SGCD: variants seen among roughly 807,000 people sequenced by gnomAD.
SGCD encodes sarcoglycan delta, also known as delta-sarcoglycan.
SGCD carries 18 observed loss-of-function variants against 36.6 expected under a neutral mutation model. The observed-to-expected ratio is 0.49, with a 90% CI of 0.34 to 0.73. The LOEUF (loss-of-function observed/expected upper bound fraction) is 0.73. Ranked by LOEUF, SGCD falls within the 30% of genes least tolerant of loss-of-function variation. The pLI is 0.01. For missense variants in SGCD, 387 were observed against 346.7 expected, an observed-to-expected ratio of 1.12 and a Z score of -0.92; for synonymous variants, 133 against 130.6, an observed-to-expected ratio of 1.02 and a Z score of -0.12.
the SGCD span, among the ~76,000 whole-genome samples, chr5:155,811,880 T>G: frequency 6.6e-6 from 1 of 152,176 alleles, no homozygotes; most frequent in Non-Finnish European, 1.5e-5. Flanking sequence ...GAAGTAATTC[T>G]TTAACATAAC....
Position 156,181,640 on chromosome 5 carries a change from A to T in SGCD, c.-44+57621A>T, listed in dbSNP as rs541164433. On this transcript the variant is annotated intron_variant, in intron 3 of 9. Coordinates refer to the SGCD transcript ENST00000517913. ...TATGGGGCAGTAGGGCTGGCAGTTA[A>T]AGTGAGCAAGGTGATGTGATTAGAT... Among the ~76,000 whole-genome samples, 79 of 152,352 alleles carry T rather than the reference A, an allele frequency of 5.2e-4. No homozygotes were observed. In the Middle Eastern group the frequency reaches 0.014, roughly 26 times the overall value.
chr5:156,292,593 T>C (rs1225906705), intron 3 of SGCD, among the ~76,000 whole-genome samples: 1 of 152,114 alleles, frequency 6.6e-6, no homozygotes, highest in Non-Finnish European at 1.5e-5. Flanking sequence ...GACTCTGCTT[T>C]CCATTATTTT....
At chr5:155,865,597 A>G (rs1254500362), upstream of SGCD, among the ~76,000 whole-genome samples, 2 of 152,184 alleles carry the variant, frequency 1.3e-5, no homozygotes, top group African/African-American at 4.8e-5. Context: ...CTTGAAATCC[A>G]TTGATTGTCT....
intron 7 of SGCD, among the ~76,000 whole-genome samples, chr5:156,705,355 G>A (rs973564062): frequency 1.2e-4 from 19 of 152,214 alleles, no homozygotes; most frequent in Non-Finnish European, 2.2e-4. Context: ...AGGGAATCAC[G>A]TGATTTGCTT....
chr5:155,786,843 G>A, the SGCD span, among the ~76,000 whole-genome samples: 1 of 152,156 alleles, frequency 6.6e-6, no homozygotes, highest in Non-Finnish European at 1.5e-5. Flanking sequence ...GCTTCTCTAA[G>A]AGACATCCCA....
chr5:156,145,110 G>A (rs184102565), intron 3 of SGCD, among the ~76,000 whole-genome samples: 1 of 152,166 alleles, frequency 6.6e-6, no homozygotes, highest in Non-Finnish European at 1.5e-5. Flanking sequence ...GGGGCCTGAT[G>A]GGAGGTGATT....
chr5:155,910,348 T>C (rs571876077), intron 1 of SGCD, among the ~76,000 whole-genome samples: 2 of 152,250 alleles, frequency 1.3e-5, no homozygotes, highest in South Asian at 4.1e-4. Context: ...ATTCTTCTTT[T>C]AAATAATAAA....
chr5:155,987,656 G>C (rs1758356700), intron 1 of SGCD, among the ~76,000 whole-genome samples: 1 of 152,156 alleles, frequency 6.6e-6, no homozygotes, highest in Admixed American at 6.5e-5. Context: ...CTGTCTGCCA[G>C]TTCTCACAGA....
intron 3 of SGCD, among the ~76,000 whole-genome samples, chr5:156,269,510 A>AAACAAAAG (rs1408141297): frequency 7.3e-6 from 1 of 137,650 alleles, no homozygotes; most frequent in Non-Finnish European, 1.6e-5. Context: ...AAAAAAAAAA[A>AAACAAAAG]CCATCAGATC....
chr5:156,061,709 A>G (rs1760211317), intron 1 of SGCD, among the ~76,000 whole-genome samples: 2 of 145,722 alleles, frequency 1.4e-5, no homozygotes, highest in Non-Finnish European at 3.1e-5. Context: ...AACTAGGAAC[A>G]GGAGAAATTT....
At chr5:156,635,069 T>C (rs1486233337) in intron 6 of SGCD, among the ~76,000 whole-genome samples, 1 of 151,360 alleles carries the variant, frequency 6.6e-6, no homozygotes, top group African/African-American at 2.4e-5. Flanking sequence ...CAAAAAAATT[T>C]TAAAAATTAA....
the SGCD span, among the ~76,000 whole-genome samples, chr5:155,851,013 G>A: frequency 6.6e-6 from 1 of 152,124 alleles, no homozygotes; most frequent in Non-Finnish European, 1.5e-5. Context: ...CTGTCAAAGG[G>A]CATCCATTTT....
intron 7 of SGCD, among the ~76,000 whole-genome samples, chr5:156,655,050 A>G (rs1763618970): frequency 6.6e-6 from 1 of 152,132 alleles, no homozygotes; most frequent in Admixed American, 6.6e-5. Context: ...TTAAGTTGGA[A>G]TGTTATTTTT....
At chr5:155,875,070 G>A (rs1265100426) in intron 1 of SGCD, among the ~76,000 whole-genome samples, 2 of 152,122 alleles carry the variant, frequency 1.3e-5, no homozygotes, top group African/African-American at 4.8e-5. Context: ...ATGGAAAACT[G>A]CTTGGCACTA....
chr5:156,294,906 G>A (rs760264254), intron 3 of SGCD, among the ~76,000 whole-genome samples: 2 of 152,028 alleles, frequency 1.3e-5, no homozygotes, highest in Non-Finnish European at 2.9e-5. Context: ...GATAATTTTT[G>A]CATTAATATT....
rs150585629 is a variant in SGCD, at chr5:156,123,586, C to A, written c.-207-270C>A. Among the ~76,000 whole-genome samples, 324 of 152,244 alleles carry A rather than the reference C, an allele frequency of 2.1e-3. 1 individual carries two copies. Among genetic ancestry groups the A allele is most frequent in the African/African-American group, 7.3e-3 (303 of 41,554 alleles). On this transcript the variant is annotated intron_variant, in intron 2 of 9. Coordinates refer to the SGCD transcript ENST00000517913. ...GGAAAATCGCTTTTGCTCTCCCATC[C>A]TCAGTTTCCCTGTAAGTTAAATGAG...
At chr5:156,201,305 A>C (rs1764144703) in intron 3 of SGCD, among the ~76,000 whole-genome samples, 1 of 152,214 alleles carries the variant, frequency 6.6e-6, no homozygotes, top group African/African-American at 2.4e-5. Flanking sequence ...AATGACATAT[A>C]TCACTGTTAT....
the SGCD span, among the ~76,000 whole-genome samples, chr5:155,853,663 G>A: frequency 1.3e-5 from 2 of 152,098 alleles, no homozygotes; most frequent in Non-Finnish European, 2.9e-5. Flanking sequence ...ATCAGGTTTC[G>A]CGTGTACTTG....
At chr5:156,502,688 A>T (rs1487399362) in intron 3 of SGCD, among the ~76,000 whole-genome samples, 1 of 152,182 alleles carries the variant, frequency 6.6e-6, no homozygotes, top group Non-Finnish European at 1.5e-5. Context: ...GAGAAGTTGT[A>T]GTTCCTAATT....
Sources: allele counts gnomAD v4.1 joint callset (sites outside exome capture counted in the v4.1 genomes callset), GRCh38; gene constraint gnomAD v4.1.1; transcripts MANE v1.5; gene names NCBI Gene and HGNC (gene_info 2026-07-23, HGNC 2026-07-21).